TMEFF1: variants seen among roughly 807,000 people sequenced by gnomAD.
The protein encoded by TMEFF1 is tomoregulin-1.
In TMEFF1, 20 loss-of-function variants were observed where a neutral mutation model predicts 47.5. The observed-to-expected ratio is 0.42, with a 90% CI of 0.30 to 0.61. The LOEUF (loss-of-function observed/expected upper bound fraction) is 0.61. Among genes scored for constraint, TMEFF1 ranks in the 20% least tolerant of loss-of-function variants. TMEFF1 has a pLI of 0.19. For missense variants in TMEFF1, 411 were observed against 471.1 expected (o/e 0.87, Z 1.18); for synonymous variants, 162 against 166.3 (o/e 0.97, Z 0.20).
intron 2 of TMEFF1, among the ~76,000 whole-genome samples, chr9:100,504,030 T>A (rs1331143846): frequency 6.6e-6 from 1 of 152,234 alleles, no homozygotes; most frequent in Non-Finnish European, 1.5e-5. Flanking sequence ...AATGCTTGAA[T>A]GGATGCAGTT....
chr9:100,536,259 G>A (rs1166751538), intron 5 of TMEFF1, among the ~76,000 whole-genome samples: 2 of 152,098 alleles, frequency 1.3e-5, no homozygotes, highest in Non-Finnish European at 2.9e-5. Flanking sequence ...TTAAATCTTT[G>A]AAAGCCCATT....
At chr9:100,536,912 A>G (rs995824156) in intron 5 of TMEFF1, among the ~76,000 whole-genome samples, 3 of 152,238 alleles carry the variant, frequency 2.0e-5, no homozygotes, top group Admixed American at 6.5e-5. Context: ...AGAATATGAC[A>G]TATGGCTATG....
chr9:100,539,699 G>A (rs372430663), intron 5 of TMEFF1, among the ~76,000 whole-genome samples: 17 of 152,182 alleles, frequency 1.1e-4, no homozygotes, highest in African/African-American at 3.1e-4. Flanking sequence ...AAGAGTGAAA[G>A]AACAAAGCTT....
chr9:100,516,894 T>C, intron 5 of TMEFF1, 123 bp downstream of exon 5: 1 of 1,151,292 alleles, frequency 8.7e-7, no homozygotes, highest in Non-Finnish European at 1.2e-6. Context: ...TTTTTTTTTG[T>C]TTAATGCTAG....
intron 2 of TMEFF1, 120 bp downstream of exon 2, chr9:100,498,994 C>G: frequency 9.9e-7 from 1 of 1,014,142 alleles, no homozygotes; most frequent in Non-Finnish European, 1.4e-6. Flanking sequence ...GGTCACAGCC[C>G]CTCAGTTCTT....
rs903778634 is a variant in TMEFF1, at chr9:100,473,382, C to G, written c.-163C>G. On this transcript the variant is annotated 5_prime_UTR_variant, in exon 1 of 10. Transcript: ENST00000374879. The surrounding 1 kb of genome is among the most constrained non-coding windows in gnomAD (Gnocchi z 5.4). Reference sequence around the variant, plus strand: ...CCGTCCCGAGCGCCGCGGGCCCGGGCCTGGCGGACGCTGCGGGTGGGGCGG... The same window carrying G: ...CCGTCCCGAGCGCCGCGGGCCCGGGGCTGGCGGACGCTGCGGGTGGGGCGG... 2 of 441,710 alleles carry G rather than the reference C, an allele frequency of 4.5e-6. No homozygotes were observed. The allele number at this position is 441,710 out of a possible 1,614,324, so 27.4% of individuals were successfully genotyped here.
intron 5 of TMEFF1, among the ~76,000 whole-genome samples, chr9:100,531,004 G>T (rs1245678709): frequency 1.3e-5 from 2 of 151,286 alleles, no homozygotes. Context: ...TATCTCAATA[G>T]ATGCAGAAAA....
chr9:100,566,785 G>A (rs977381087), intron 8 of TMEFF1, among the ~76,000 whole-genome samples: 2 of 151,816 alleles, frequency 1.3e-5, no homozygotes, highest in African/African-American at 4.8e-5. Flanking sequence ...GGTCACTGCA[G>A]CCTCCACCTC....
chr9:100,532,738 G>GT (rs1838413209), intron 5 of TMEFF1, among the ~76,000 whole-genome samples: 1 of 151,838 alleles, frequency 6.6e-6, no homozygotes, highest in African/African-American at 2.4e-5. Flanking sequence ...CCATTACTGG[G>GT]TATATACCCA....
At chr9:100,511,162 A>C (rs1302573898) in intron 3 of TMEFF1, among the ~76,000 whole-genome samples, 1 of 152,212 alleles carries the variant, frequency 6.6e-6, no homozygotes, top group Non-Finnish European at 1.5e-5. Context: ...TGGTTCTTAT[A>C]TACTTCTTTA....
intron 2 of TMEFF1, among the ~76,000 whole-genome samples, chr9:100,500,115 C>T (rs1837730654): frequency 6.6e-6 from 1 of 152,128 alleles, no homozygotes; most frequent in Admixed American, 6.5e-5. Context: ...TGGAAGGTGA[C>T]TTTAGCCAGA....
chr9:100,498,990 A>G (rs929295568), intron 2 of TMEFF1, 116 bp downstream of exon 2: 4 of 1,044,144 alleles, frequency 3.8e-6, no homozygotes, highest in Non-Finnish European at 5.5e-6. Context: ...TTGGGGTCAC[A>G]GCCCCTCAGT....
chr9:100,498,909 A>G, intron 2 of TMEFF1, 35 bp downstream of exon 2: 2 of 1,587,796 alleles, frequency 1.3e-6, no homozygotes, highest in Non-Finnish European at 1.7e-6. Flanking sequence ...AAAGTTTTAT[A>G]TTCTTCGTAT....
At chr9:100,532,740 A>C (rs944461504) in intron 5 of TMEFF1, among the ~76,000 whole-genome samples, 2 of 152,044 alleles carry the variant, frequency 1.3e-5, no homozygotes, top group Non-Finnish European at 2.9e-5. Context: ...ATTACTGGGT[A>C]TATACCCAAA....
intron 7 of TMEFF1, among the ~76,000 whole-genome samples, chr9:100,550,655 C>T (rs924836600): frequency 6.6e-6 from 1 of 152,136 alleles, no homozygotes; most frequent in Non-Finnish European, 1.5e-5. Context: ...CTGTATACTC[C>T]CCTCTCTGAA....
intron 7 of TMEFF1, among the ~76,000 whole-genome samples, chr9:100,551,160 C>A (rs900307488): frequency 1.3e-5 from 2 of 152,196 alleles, no homozygotes; most frequent in East Asian, 1.9e-4. Flanking sequence ...TGTGATCTAT[C>A]TTTTATACCT....
intron 1 of TMEFF1, among the ~76,000 whole-genome samples, chr9:100,484,058 A>G (rs1168210623): frequency 2.0e-5 from 3 of 152,154 alleles, no homozygotes; most frequent in Non-Finnish European, 4.4e-5. Flanking sequence ...GTAGATTTCA[A>G]GTATCTCTTG....
At chr9:100,482,921 C>A (rs1837368042) in intron 1 of TMEFF1, among the ~76,000 whole-genome samples, 1 of 152,072 alleles carries the variant, frequency 6.6e-6, no homozygotes, top group African/African-American at 2.4e-5. Flanking sequence ...TGAAACCTAC[C>A]CTGCTATCTC....
rs1838638036 is a variant in TMEFF1, at chr9:100,541,762, C to T, written c.561-5982C>T. Among the ~76,000 whole-genome samples the T allele has an allele frequency of 2.0e-5, 3 of 152,172 alleles. No individual in the cohort carries two copies. In the South Asian group the frequency reaches 6.2e-4, roughly 32 times the overall value. ...TTAAAATGTTTAGAATTATATTATC[C>T]TGCTGAATAAAATATTTTTATTATT... On this transcript the variant is annotated intron_variant, in intron 5 of 9. Transcript: ENST00000374879.
Sources: gnomAD v4.1 joint callset for allele counts (sites outside exome capture counted in the v4.1 genomes callset) on GRCh38, gnomAD v4.1.1 for gene constraint, Gnocchi (gnomAD v3.1) non-coding constraint, MANE v1.5 for transcripts, NCBI Gene and HGNC (gene_info 2026-07-23, HGNC 2026-07-21) for gene names.